Variants in ENTHD1 observed in about 807,000 individuals in gnomAD.
The protein encoded by ENTHD1 is ENTH domain containing 1.
ENTHD1 carries 23 observed loss-of-function variants against 39.1 expected under a neutral mutation model. The ratio of observed to expected loss-of-function variants is 0.59; its 90% CI spans 0.42 to 0.83. The LOEUF is 0.83. Ranked by LOEUF, ENTHD1 falls within the 40% of genes least tolerant of loss-of-function variation. The pLI is 0.00. For missense variants in ENTHD1, 624 were observed against 705.4 expected, an observed-to-expected ratio of 0.88 and a Z score of 1.31; for synonymous variants, 230 against 258.2, an observed-to-expected ratio of 0.89 and a Z score of 1.05.
At chr22:39,875,844 A>G (rs1428030155) in intron 2 of ENTHD1, 2 of 1,613,854 alleles carry the variant, frequency 1.2e-6, no homozygotes, top group Non-Finnish European at 1.7e-6. Context: ...AAGGAAATTA[A>G]GCAGGAAGCT....
chr22:39,748,014 C>T (rs561321632), intron 6 of ENTHD1, among the ~76,000 whole-genome samples: 19 of 152,052 alleles, frequency 1.2e-4, no homozygotes, highest in African/African-American at 4.6e-4. Context: ...TTTGGGAGGT[C>T]GAGGTGGGAG....
At chr22:39,776,457 T>C (rs541936720) in intron 5 of ENTHD1, among the ~76,000 whole-genome samples, 3 of 152,314 alleles carry the variant, frequency 2.0e-5, no homozygotes, top group South Asian at 2.1e-4. Flanking sequence ...AAGCCCAGTA[T>C]TGAATTATGA....
intron 4 of ENTHD1, among the ~76,000 whole-genome samples, chr22:39,832,656 G>A (rs1456467346): frequency 1.3e-5 from 2 of 152,166 alleles, no homozygotes; most frequent in African/African-American, 2.4e-5. Flanking sequence ...AGAAAGAACA[G>A]CAAGTCCTGC....
At chr22:39,875,368 G>A (rs1052782075) in intron 2 of ENTHD1, 2 of 1,393,818 alleles carry the variant, frequency 1.4e-6, no homozygotes, top group Non-Finnish European at 9.2e-7. Context: ...CGGGCGCGCT[G>A]CGGCCCTTGG....
chr22:39,759,225 ACTGAGGTTTTCT>A (rs994186511), intron 6 of ENTHD1, among the ~76,000 whole-genome samples: 5 of 152,076 alleles, frequency 3.3e-5, no homozygotes, highest in African/African-American at 9.7e-5. Context: ...ACTATAGGGG[ACTGAGGTTTTCT>A]CTGTGATGTG....
At chr22:39,768,668 C>T (rs2146564371) in intron 5 of ENTHD1, among the ~76,000 whole-genome samples, 1 of 152,192 alleles carries the variant, frequency 6.6e-6, no homozygotes. Flanking sequence ...TTTATAACTG[C>T]ATCATGCTTT....
intron 5 of ENTHD1, among the ~76,000 whole-genome samples, chr22:39,818,935 T>A (rs946799921): frequency 5.3e-5 from 8 of 152,198 alleles, no homozygotes; most frequent in African/African-American, 1.9e-4. Flanking sequence ...TAAAGCAGCT[T>A]ATTCATAACT....
In ENTHD1 at chr22:39,821,018, T is replaced by A; in HGVS notation, c.807A>T (p.Glu269Asp). 6.2e-7 allele frequency: 1 copy of A among 1,614,096 alleles called. No homozygotes were observed. The highest frequency in any genetic ancestry group is 8.5e-7 in the Non-Finnish European group (1 of 1,179,964). The change falls in exon 5 of 7, where the codon GAA (glutamate) becomes GAT (aspartate). Residue 269 changes from glutamate (E) to aspartate (D), a missense_variant. Glu to Asp is a conservative substitution (Grantham distance 45). Transcript: ENST00000325157. ...VSPITCLSEA[E>D]EVCNLSGADA... ...CTGCACCCGAAAGATTACAAACTTC[T>A]TCTGCTTCTGACAAGCAAGTGATTG... is the stretch of plus-strand genomic sequence containing the variant.
At chr22:39,848,239 A>AT (rs1000343327) in intron 3 of ENTHD1, among the ~76,000 whole-genome samples, 13 of 149,942 alleles carry the variant, frequency 8.7e-5, no homozygotes, top group African/African-American at 1.5e-4. Context: ...CTCTGCTTTT[A>AT]TTTTTTTTTA....
chr22:39,813,766 G>C (rs2065711739), intron 5 of ENTHD1, among the ~76,000 whole-genome samples: 1 of 152,194 alleles, frequency 6.6e-6, no homozygotes, highest in East Asian at 1.9e-4. Flanking sequence ...TAAGAAATAA[G>C]TTCATTATTA....
intron 5 of ENTHD1, among the ~76,000 whole-genome samples, chr22:39,800,049 T>C (rs1000190568): frequency 6.6e-6 from 1 of 152,200 alleles, no homozygotes. Flanking sequence ...GAGCAATCTA[T>C]TGCAGTCTCT....
intron 2 of ENTHD1, among the ~76,000 whole-genome samples, chr22:39,883,474 A>G (rs928952121): frequency 6.6e-6 from 1 of 152,082 alleles, no homozygotes; most frequent in Non-Finnish European, 1.5e-5. Context: ...GATAAAGGAC[A>G]TCTATGAAAA....
chr22:39,779,589 C>G (rs1461221643), intron 5 of ENTHD1, among the ~76,000 whole-genome samples: 3 of 151,686 alleles, frequency 2.0e-5, no homozygotes, highest in South Asian at 4.2e-4. Context: ...GGTATAAAAC[C>G]CACTGGCAAA....
chr22:39,765,303 A>C lies in ENTHD1; in HGVS notation c.1139T>G (p.Ile380Ser), dbSNP rs771869181. The C allele has an allele frequency of 6.2e-7, 1 of 1,613,498 alleles. No individual in the cohort carries two copies. The highest frequency in any genetic ancestry group is 1.7e-5 in the Admixed American group (1 of 59,854). Residue 380 changes from isoleucine (I) to serine (S), a missense_variant, in exon 6 of 7, where the codon ATT (isoleucine) becomes AGT (serine). Ile to Ser is a moderately radical substitution (Grantham distance 142). Transcript: ENST00000325157. Reference sequence around the variant, plus strand: ...TTTCTGGTAGGCCTTGTTGATTACAATCTCCTTCACTCGGTCAAATATTTT... The same window carrying C: ...TTTCTGGTAGGCCTTGTTGATTACACTCTCCTTCACTCGGTCAAATATTTT... ...SFKIFDRVKEIVINKAYQKPA... is the reference protein window; with the variant it reads ...SFKIFDRVKESVINKAYQKPA...
At chr22:39,862,790 G>C (rs566293341) in intron 2 of ENTHD1, among the ~76,000 whole-genome samples, 1 of 152,124 alleles carries the variant, frequency 6.6e-6, no homozygotes, top group Non-Finnish European at 1.5e-5. Context: ...ATACAACTGT[G>C]GTTTGAATGT....
chr22:39,876,053 A>C, intron 2 of ENTHD1: 1 of 1,613,808 alleles, frequency 6.2e-7, no homozygotes, highest in Non-Finnish European at 8.5e-7. Flanking sequence ...GGGTCCTGCT[A>C]CTCTCAACCT....
chr22:39,764,730 A>G (rs992427804), intron 6 of ENTHD1, among the ~76,000 whole-genome samples: 1 of 150,400 alleles, frequency 6.6e-6, no homozygotes, highest in African/African-American at 2.4e-5. Context: ...TTATATCTTT[A>G]TAATATAAAA....
chr22:39,884,102 T>A (rs1258366251), intron 2 of ENTHD1, among the ~76,000 whole-genome samples: 1 of 152,026 alleles, frequency 6.6e-6, no homozygotes, highest in Non-Finnish European at 1.5e-5. Context: ...AAATTAGTAT[T>A]GTTAAAATGA....
In ENTHD1 at chr22:39,765,091, CAAT is replaced by C. The variant is rs946701752; in HGVS notation, c.1219+129_1219+131del. On this transcript the variant is annotated intron_variant, in intron 6 of 6. Transcript: ENST00000325157. Reference sequence around the variant, plus strand: ...GTGTATGGCATGTACATTTTAATATCAATGATGAAGAGTGAAAGGAGGGAACAA... The same window carrying C: ...GTGTATGGCATGTACATTTTAATATCGATGAAGAGTGAAAGGAGGGAACAA... 3.3e-5 allele frequency: 45 copies of C among 1,376,906 alleles called. No individual in the cohort carries two copies. The African/African-American group carries it at 4.7e-4, about 14-fold the overall frequency. The allele number at this position is 1,376,906 out of a possible 1,614,324, so 85.3% of individuals were successfully genotyped here.
Sources: allele counts gnomAD v4.1 joint callset (sites outside exome capture counted in the v4.1 genomes callset), GRCh38; gene constraint gnomAD v4.1.1; transcripts MANE v1.5; gene names NCBI Gene and HGNC (gene_info 2026-07-23, HGNC 2026-07-21).